Variants in ATP2C2 observed in about 807,000 individuals in gnomAD.
ATP2C2 encodes the protein calcium-transporting ATPase type 2C member 2.
ATP2C2 carries 171 observed loss-of-function variants against 110.8 expected under a neutral mutation model. That is an observed-to-expected ratio of 1.54 (90% CI 1.36 to 1.75). The LOEUF is 1.75. Ranked by LOEUF, ATP2C2 falls within the 40% of genes most tolerant of loss-of-function variation. The probability of loss-of-function intolerance (pLI) is 0.00; values close to 1 mark genes in which losing one functional copy is unlikely to be tolerated. For synonymous variants in ATP2C2, 804 were observed against 508.4 expected (o/e 1.58, Z -7.82); for missense variants, 1,963 against 1,235.0 (o/e 1.59, Z -8.84).
chr16:84,422,797 C>T, intron 9 of ATP2C2, 100 bp downstream of exon 9: 1 of 1,237,930 alleles, frequency 8.1e-7, no homozygotes. Context: ...GAATGAGTGG[C>T]ATGTGGTTCA....
chr16:84,455,081 T>A, intron 21 of ATP2C2, 97 bp downstream of exon 21: 1 of 1,391,594 alleles, frequency 7.2e-7, no homozygotes, highest in Non-Finnish European at 9.9e-7. Flanking sequence ...GGGGGGGGTC[T>A]CGCGGAGTCC....
intron 2 of ATP2C2, among the ~76,000 whole-genome samples, chr16:84,400,548 C>T (rs908545219): frequency 6.6e-5 from 10 of 152,048 alleles, no homozygotes; most frequent in African/African-American, 1.4e-4. Context: ...AGGATGGTCT[C>T]GATCTCCTGA....
At chr16:84,452,170 C>T in intron 18 of ATP2C2, 79 bp downstream of exon 18, 2 of 1,561,378 alleles carry the variant, frequency 1.3e-6, no homozygotes, top group Non-Finnish European at 1.7e-6. Context: ...CAAAGGGAAG[C>T]CTCCGCAAAC....
At chr16:84,375,567 A>T (rs1047621951) in intron 1 of ATP2C2, among the ~76,000 whole-genome samples, 1 of 152,076 alleles carries the variant, frequency 6.6e-6, no homozygotes, top group African/African-American at 2.4e-5. Flanking sequence ...GAAAGAAAGA[A>T]AAATGTCAAA....
At chr16:84,398,396 A>G (rs1322406268) in intron 1 of ATP2C2, 103 bp from the exon 2 acceptor site, 2 of 584,340 alleles carry the variant, frequency 3.4e-6, no homozygotes, top group Admixed American at 4.0e-5. Context: ...ACAGAGTGAG[A>G]CTCCATCTCA....
rs571039345 is a variant in ATP2C2 at position 84,461,704 on chromosome 16, C to T, written c.2482-10C>T. The T allele has an allele frequency of 7.4e-6, 12 of 1,612,410 alleles. No homozygotes were observed. In the East Asian group the frequency reaches 8.9e-5, roughly 12 times the overall value. On this transcript the variant is annotated splice_polypyrimidine_tract_variant and intron_variant, in intron 24 of 26. Coordinates refer to ENST00000262429, the MANE Select transcript of ATP2C2 (RefSeq NM_014861.4). The stretch of plus-strand genomic sequence containing the variant: ...CCGCCTAACCTCTCACCTTTGTGCT[C>T]ACCTTCCAGATGCCTGAAGACAGAG...
In ATP2C2 at chr16:84,377,817, G is replaced by T. The variant is rs549227383; in HGVS notation, c.99+9103G>T. On this transcript the variant is annotated intron_variant, in intron 1 of 26. Coordinates refer to ENST00000262429, the MANE Select transcript of ATP2C2 (RefSeq NM_014861.4). ...TATTTTTTTCTTTGAGGAGCTGTGG[G>T]CCACCAGGAGAAAATTTGTAATTGT... is the stretch of plus-strand genomic sequence containing the variant. Among the ~76,000 whole-genome samples, 5 of 152,198 alleles carry T rather than the reference G, an allele frequency of 3.3e-5. No homozygotes were observed. The East Asian group carries it at 9.7e-4, about 29-fold the overall frequency.
intron 10 of ATP2C2, among the ~76,000 whole-genome samples, chr16:84,424,294 G>A (rs1195551991): frequency 6.6e-6 from 1 of 151,958 alleles, no homozygotes; most frequent in Non-Finnish European, 1.5e-5. Context: ...TTTTGAGGGG[G>A]CAGGAATGGA....
At chr16:84,425,851 C>T in intron 11 of ATP2C2, 50 bp downstream of exon 11, 1 of 1,588,802 alleles carries the variant, frequency 6.3e-7, no homozygotes, top group Non-Finnish European at 8.6e-7. Context: ...TCAATGGGCT[C>T]TGAGCCCTTC....
At chr16:84,413,451 A>G (rs247811) in intron 6 of ATP2C2, among the ~76,000 whole-genome samples, 14,372 of 152,252 alleles carry the variant, frequency 0.094, 971 homozygotes, top group East Asian at 0.33. Context: ...TCAATTGTAG[A>G]AGGGCCGCGG....
rs1193457788 is a variant in ATP2C2, at chr16:84,408,452, T to C, written c.375T>C (p.Ser125=). 3 of 1,613,666 alleles carry C rather than the reference T, an allele frequency of 1.9e-6. No individual in the cohort carries two copies. The highest frequency in any genetic ancestry group is 2.2e-5 in the South Asian group (2 of 91,084). ...TGCTGCTGGGCTCTGCCCTGGTGAG[T>C]GTCCTCACCAAGGAGTATGAGGACG... ...ILLLLGSALV[S]VLTKEYEDAV... The change falls in exon 4 of 27, where the codon AGT becomes AGC. Residue 125 remains serine, a synonymous_variant. Coordinates refer to ENST00000262429, the MANE Select transcript of ATP2C2 (RefSeq NM_014861.4).
At chr16:84,420,316 G>A (rs184143254) in intron 7 of ATP2C2, among the ~76,000 whole-genome samples, 16 of 152,118 alleles carry the variant, frequency 1.1e-4, no homozygotes, top group Middle Eastern at 3.4e-3. Flanking sequence ...CTGGCCTATC[G>A]GAGGATATGG....
At chr16:84,384,792 G>T (rs1158775721) in intron 1 of ATP2C2, among the ~76,000 whole-genome samples, 1 of 152,194 alleles carries the variant, frequency 6.6e-6, no homozygotes, top group African/African-American at 2.4e-5. Flanking sequence ...GCTCATGCCT[G>T]TAATCCCAGC....
chr16:84,427,951 A>G (rs566540993), intron 11 of ATP2C2, among the ~76,000 whole-genome samples: 65 of 152,380 alleles, frequency 4.3e-4, no homozygotes, highest in Non-Finnish European at 2.1e-4. Context: ...TACAAATTAT[A>G]TATCAATAGA....
intron 11 of ATP2C2, among the ~76,000 whole-genome samples, chr16:84,437,560 G>T (rs984477706): frequency 2.0e-5 from 3 of 152,054 alleles, no homozygotes; most frequent in African/African-American, 7.2e-5. Flanking sequence ...TCTGTCACCA[G>T]GCTGGAGCGC....
At chr16:84,463,341 C>G (rs957984065) in intron 26 of ATP2C2, among the ~76,000 whole-genome samples, 6 of 152,152 alleles carry the variant, frequency 3.9e-5, no homozygotes, top group African/African-American at 1.4e-4. Context: ...ATTCCCCTTC[C>G]AGCCCGAGTC....
chr16:84,460,354 G>A (rs1270783899), intron 23 of ATP2C2: 3 of 435,796 alleles, frequency 6.9e-6, no homozygotes, highest in East Asian at 4.7e-5. Context: ...CGTTGGGGGG[G>A]GTCCCCTCGG....
chr16:84,451,532 C>G (rs979480781), intron 17 of ATP2C2, among the ~76,000 whole-genome samples: 1 of 152,168 alleles, frequency 6.6e-6, no homozygotes, highest in Non-Finnish European at 1.5e-5. Flanking sequence ...GGATCTGGGC[C>G]ATGGTGGGGG....
intron 22 of ATP2C2, 39 bp downstream of exon 22, chr16:84,459,227 A>T: frequency 6.2e-7 from 1 of 1,614,162 alleles, no homozygotes; most frequent in Non-Finnish European, 8.5e-7. Context: ...ATTAAGCACC[A>T]CGCCTGGCGG....
Sources: gnomAD v4.1 joint callset for allele counts (sites outside exome capture counted in the v4.1 genomes callset) on GRCh38, gnomAD v4.1.1 for gene constraint, MANE v1.5 for transcripts, NCBI Gene and HGNC (gene_info 2026-07-23, HGNC 2026-07-21) for gene names.